RBFOX3: variants seen among roughly 807,000 people sequenced by gnomAD.
The protein encoded by RBFOX3 is RNA binding protein fox-1 homolog 3.
Under a neutral mutation model 48.7 loss-of-function variants are expected in RBFOX3, and 17 were observed. The ratio of observed to expected loss-of-function variants is 0.35; its 90% CI spans 0.24 to 0.52. RBFOX3 has a LOEUF of 0.52. Ranked by LOEUF, RBFOX3 falls within the 20% of genes least tolerant of loss-of-function variation. The pLI, the probability that RBFOX3 is intolerant of heterozygous loss-of-function variation, is 0.94. For missense variants in RBFOX3, 382 were observed against 497.5 expected, an observed-to-expected ratio of 0.77 and a Z score of 2.21; for synonymous variants, 212 against 209.5, an observed-to-expected ratio of 1.01 and a Z score of -0.10.
At chr17:79,469,844 G>A (rs1006960478) in intron 2 of RBFOX3, among the ~76,000 whole-genome samples, 3 of 152,172 alleles carry the variant, frequency 2.0e-5, no homozygotes, top group Non-Finnish European at 2.9e-5. Context: ...GCACGTGCAC[G>A]GAGGAGAGGG....
intron 4 of RBFOX3, among the ~76,000 whole-genome samples, chr17:79,144,738 C>T (rs1183421144): frequency 6.6e-6 from 1 of 152,212 alleles, no homozygotes; most frequent in African/African-American, 2.4e-5. Context: ...GTTTCCTAGT[C>T]CTAAACTGAG....
chr17:79,575,323 G>A (rs36150004), intron 1 of RBFOX3, among the ~76,000 whole-genome samples: 2 of 152,006 alleles, frequency 1.3e-5, no homozygotes, highest in East Asian at 1.9e-4. Context: ...CATGGGATAG[G>A]GGGGCAGAGT....
chr17:79,603,407 C>G (rs1051568886), intron 1 of RBFOX3, among the ~76,000 whole-genome samples: 18,275 of 152,190 alleles, frequency 0.12, 1,896 homozygotes, highest in East Asian at 0.32. Flanking sequence ...TGGCCTGACC[C>G]GGGTAACAAC....
intron 1 of RBFOX3, among the ~76,000 whole-genome samples, chr17:79,531,230 G>A (rs2087722613): frequency 6.6e-6 from 1 of 152,194 alleles, no homozygotes; most frequent in African/African-American, 2.4e-5. Flanking sequence ...TGCCCATGGG[G>A]GTGGGGTCTC....
chr17:79,290,875 C>A (rs921752202), intron 3 of RBFOX3, among the ~76,000 whole-genome samples: 1 of 152,152 alleles, frequency 6.6e-6, no homozygotes, highest in Admixed American at 6.5e-5. Flanking sequence ...ACCCTGGCTG[C>A]GTTCTCCCAG....
chr17:79,138,269 T>C (rs1332367873), intron 4 of RBFOX3, among the ~76,000 whole-genome samples: 1 of 152,134 alleles, frequency 6.6e-6, no homozygotes, highest in African/African-American at 2.4e-5. Context: ...CATACCTGTA[T>C]TCCCCATGTG....
At chr17:79,498,868 TCATC>T (rs56766707) in intron 1 of RBFOX3, among the ~76,000 whole-genome samples, 46,933 of 135,398 alleles carry the variant, frequency 0.35, 9,161 homozygotes, top group East Asian at 0.72. Flanking sequence ...ACCCATTCGC[TCATC>T]CATCCATCCA....
At chr17:79,287,327 AG>A (rs1000631554) in intron 3 of RBFOX3, among the ~76,000 whole-genome samples, 23 of 152,276 alleles carry the variant, frequency 1.5e-4, no homozygotes, top group African/African-American at 5.5e-4. Flanking sequence ...CCCCACCCAC[AG>A]GGGGCCCTGG....
chr17:79,371,325 G>C (rs1019006772), intron 2 of RBFOX3, among the ~76,000 whole-genome samples: 6 of 152,248 alleles, frequency 3.9e-5, no homozygotes, highest in African/African-American at 1.4e-4. Context: ...TGCTGCTTTA[G>C]AACAAATGAG....
At chr17:79,422,252 C>T (rs1415686469) in intron 2 of RBFOX3, among the ~76,000 whole-genome samples, 5 of 151,406 alleles carry the variant, frequency 3.3e-5, no homozygotes, top group African/African-American at 7.4e-5. Flanking sequence ...GGCTGGCCCC[C>T]GACAGCGGCA....
the RBFOX3 span, among the ~76,000 whole-genome samples, chr17:79,620,182 CAT>C: frequency 1.1e-3 from 161 of 142,250 alleles, 1 homozygote; most frequent in African/African-American, 3.4e-3. Context: ...CATGCACACA[CAT>C]GTGCACATGC....
Position 79,249,796 on chromosome 17 carries a change from G to A in RBFOX3, c.-73-13991C>T, listed in dbSNP as rs568083157. On this transcript the variant is annotated intron_variant, in intron 3 of 14. Transcript: ENST00000693108. This position sits in a 1 kb window ranked among gnomAD's most constrained non-coding sequence, Gnocchi z 4.1. ...TACCTCCCTGTGTGTCCCTGATGCC[G>A]AGTTCCCTGTCTCTAGGGATCTGTC... Among the ~76,000 whole-genome samples, 3 of 152,216 alleles carry A rather than the reference G, an allele frequency of 2.0e-5. No individual in the cohort carries two copies. Among genetic ancestry groups the A allele is most frequent in the South Asian group, 2.1e-4 (1 of 4,818 alleles).
intron 2 of RBFOX3, among the ~76,000 whole-genome samples, chr17:79,432,493 C>G (rs977268613): frequency 1.2e-4 from 18 of 152,238 alleles, no homozygotes; most frequent in Non-Finnish European, 1.9e-4. Flanking sequence ...AACACGTGTT[C>G]ACTTCCCAAG....
intron 8 of RBFOX3, among the ~76,000 whole-genome samples, chr17:79,102,038 G>A (rs1447368753): frequency 6.6e-6 from 1 of 152,172 alleles, no homozygotes; most frequent in Non-Finnish European, 1.5e-5. Flanking sequence ...GGCCCACCTA[G>A]GCATGGGTAC....
At chr17:79,424,384 G>A (rs1317804654) in intron 2 of RBFOX3, among the ~76,000 whole-genome samples, 8 of 152,144 alleles carry the variant, frequency 5.3e-5, no homozygotes, top group Admixed American at 4.6e-4. Flanking sequence ...AGTGAAGCTG[G>A]GGCTTGGCAG....
chr17:79,098,890 G>A (rs937752756), intron 9 of RBFOX3: 2 of 152,348 alleles, frequency 1.3e-5, no homozygotes, highest in Admixed American at 6.5e-5. Flanking sequence ...TGGAGAGGGT[G>A]GCAGTGGGCC....
At chr17:79,589,397 C>CCCTGTT (rs2093353748) in intron 1 of RBFOX3, among the ~76,000 whole-genome samples, 1 of 152,142 alleles carries the variant, frequency 6.6e-6, no homozygotes, top group Non-Finnish European at 1.5e-5. Context: ...CATCACCGTC[C>CCCTGTT]CCTGTTTGTG....
At chr17:79,633,787 C>T in the RBFOX3 span, among the ~76,000 whole-genome samples, 1 of 152,112 alleles carries the variant, frequency 6.6e-6, no homozygotes, top group African/African-American at 2.4e-5. Flanking sequence ...TCCTTCCAAC[C>T]CTTCACCCCA....
At chr17:79,113,871 AG>A (rs1379138027) in intron 5 of RBFOX3, among the ~76,000 whole-genome samples, 2 of 148,686 alleles carry the variant, frequency 1.3e-5, no homozygotes, top group South Asian at 2.2e-4. Flanking sequence ...TGCCGAGTGA[AG>A]GAAGACTTTA....
Sources: gnomAD v4.1 joint callset for allele counts (sites outside exome capture counted in the v4.1 genomes callset) on GRCh38, gnomAD v4.1.1 for gene constraint, Gnocchi (gnomAD v3.1) non-coding constraint, MANE v1.5 for transcripts, NCBI Gene and HGNC (gene_info 2026-07-23, HGNC 2026-07-21) for gene names.